Variants in MARK3 observed in about 807,000 individuals in gnomAD.
MARK3 encodes the protein microtubule affinity regulating kinase 3.
MARK3 carries 46 observed loss-of-function variants against 90.1 expected under a neutral mutation model. The ratio of observed to expected loss-of-function variants is 0.51; its 90% confidence interval spans 0.40 to 0.65. MARK3 has a LOEUF of 0.65. MARK3 is among the 30% of genes least tolerant of loss of function. MARK3 has a pLI of 0.00. For missense variants in MARK3, 818 were observed against 947.2 expected (o/e 0.86, Z 1.79); for synonymous variants, 321 against 332.6 (o/e 0.97, Z 0.38).
intron 3 of MARK3, among the ~76,000 whole-genome samples, chr14:103,447,404 G>A (rs2093023608): frequency 1.3e-5 from 2 of 152,228 alleles, no homozygotes; most frequent in African/African-American, 4.8e-5. Context: ...AGTATGGTGA[G>A]AGTCCTGTGA....
intron 1 of MARK3, among the ~76,000 whole-genome samples, chr14:103,403,875 G>T (rs951552415): frequency 1.3e-5 from 2 of 152,168 alleles, no homozygotes; most frequent in African/African-American, 4.8e-5. Flanking sequence ...GATTTGCAGT[G>T]AGGTCATAAA....
chr14:103,470,334 A>G lies in MARK3; in HGVS notation c.1264+2148A>G, dbSNP rs114941659. ...AGGCTCTACAGTTGCTCTGCCTTCA[A>G]GGCAGCCTGTGTGTCAGAGTCCTGA... On this transcript the variant is annotated intron_variant, in intron 12 of 17. Coordinates refer to ENST00000429436, the MANE Select transcript of MARK3 (RefSeq NM_001128918.3). Among the ~76,000 whole-genome samples, 785 of 152,208 alleles carry G rather than the reference A, an allele frequency of 5.2e-3. 5 individuals carry two copies. The highest frequency in any genetic ancestry group is 0.018 in the African/African-American group (755 of 41,536).
intron 1 of MARK3, among the ~76,000 whole-genome samples, chr14:103,394,575 G>T (rs191423623): frequency 4.5e-4 from 68 of 152,306 alleles, no homozygotes; most frequent in African/African-American, 1.6e-3. Flanking sequence ...TGTGGGTTAT[G>T]TGGGACCTTG....
intron 11 of MARK3, 173 bp from the exon 12 acceptor site, chr14:103,467,860 C>A: frequency 3.9e-6 from 2 of 518,880 alleles, no homozygotes; most frequent in Non-Finnish European, 6.6e-6. Context: ...TCTTTCCAGC[C>A]GTCAGAAAAC....
chr14:103,467,165 T>C lies in MARK3; in HGVS notation c.1084T>C (p.Leu362=). ...ATACGATGAAATCACAGCTACATAT[T>C]TGTTATTGGGGAGAAAATCTTCAGA... ...MKYDEITATY[L]LLGRKSSELD... Residue 362 remains leucine (L), a synonymous_variant, in exon 11 of 18, where the codon TTG becomes CTG. Coordinates refer to ENST00000429436, the MANE Select transcript of MARK3 (RefSeq NM_001128918.3). The C allele has an allele frequency of 6.3e-7, 1 of 1,595,104 alleles. No homozygotes were observed. The highest frequency in any genetic ancestry group is 8.6e-7 in the Non-Finnish European group (1 of 1,166,280).
At chr14:103,437,943 C>G (rs983581253) in intron 3 of MARK3, among the ~76,000 whole-genome samples, 1 of 152,210 alleles carries the variant, frequency 6.6e-6, no homozygotes, top group African/African-American at 2.4e-5. Flanking sequence ...AAATTCTACA[C>G]ACACTTTATC....
chr14:103,434,408 CTG>C lies in MARK3; in HGVS notation c.297+5971_297+5972del, dbSNP rs545982001. ...GCAAGTTACCCACAGAAGCTACTGA[CTG>C]TGAAATTTTAGCTACAGCATGATCC... On this transcript the variant is annotated intron_variant, in intron 3 of 17. Transcript: ENST00000429436. Among the ~76,000 whole-genome samples the C allele has an allele frequency of 2.4e-3, 367 of 152,284 alleles. 1 individual carries two copies. The highest frequency in any genetic ancestry group is 4.2e-3 in the South Asian group (20 of 4,814).
intron 3 of MARK3, among the ~76,000 whole-genome samples, chr14:103,430,564 A>G (rs2092552851): frequency 6.6e-6 from 1 of 152,200 alleles, no homozygotes; most frequent in Admixed American, 6.5e-5. Flanking sequence ...GCTAACATTC[A>G]TCATAAGGAA....
At chr14:103,437,615 CTTA>C in intron 3 of MARK3, among the ~76,000 whole-genome samples, 1 of 152,240 alleles carries the variant, frequency 6.6e-6, no homozygotes, top group Non-Finnish European at 1.5e-5. Context: ...GTACCAAGGA[CTTA>C]TTATGCTATT....
intron 13 of MARK3, among the ~76,000 whole-genome samples, chr14:103,475,929 C>T (rs528040418): frequency 6.7e-6 from 1 of 148,866 alleles, no homozygotes; most frequent in East Asian, 2.0e-4. Flanking sequence ...GGCGACAGAG[C>T]GAGACTCCTT....
intron 4 of MARK3, among the ~76,000 whole-genome samples, chr14:103,450,790 C>T (rs1330951747): frequency 6.6e-6 from 1 of 151,214 alleles, no homozygotes; most frequent in Non-Finnish European, 1.5e-5. Context: ...TTTGGGTAAA[C>T]TTAAAGTAAA....
rs755092363 is a variant in MARK3, at chr14:103,466,447, T to C, written c.997+5T>C. ...TCTCAGACCAAAAAAGAATAGGTAA[T>C]CACTCCATGCCTGCATGTTCATGTG... is the stretch of plus-strand genomic sequence containing the variant. On this transcript the variant is annotated splice_donor_5th_base_variant and intron_variant, in intron 10 of 17. Coordinates refer to ENST00000429436, the MANE Select transcript of MARK3 (RefSeq NM_001128918.3). The C allele has an allele frequency of 1.3e-5, 20 of 1,580,132 alleles. No homozygotes were observed. In the East Asian group the frequency reaches 4.5e-4, roughly 35 times the overall value.
intron 3 of MARK3, among the ~76,000 whole-genome samples, chr14:103,444,791 GA>G (rs2092953055): frequency 6.6e-6 from 1 of 151,886 alleles, no homozygotes; most frequent in Non-Finnish European, 1.5e-5. Flanking sequence ...AAAAAAAGTA[GA>G]AATAAGGTGA....
At chr14:103,395,154 G>T (rs1278299927) in intron 1 of MARK3, among the ~76,000 whole-genome samples, 1 of 152,146 alleles carries the variant, frequency 6.6e-6, no homozygotes, top group African/African-American at 2.4e-5. Flanking sequence ...ACAAAAATGA[G>T]AGTCTAAGAC....
chr14:103,476,288 G>T (rs1359752207), intron 13 of MARK3, among the ~76,000 whole-genome samples: 2 of 152,224 alleles, frequency 1.3e-5, no homozygotes, highest in Non-Finnish European at 2.9e-5. Context: ...GACTGCCAGT[G>T]CCCCAAAGAT....
intron 14 of MARK3, among the ~76,000 whole-genome samples, chr14:103,482,088 A>G (rs578104174): frequency 2.0e-5 from 3 of 151,420 alleles, no homozygotes; most frequent in Non-Finnish European, 4.4e-5. Flanking sequence ...ATAGTAGTCT[A>G]CTCTCTGGTA....
intron 6 of MARK3, chr14:103,458,742 C>G: frequency 2.8e-6 from 2 of 726,940 alleles, no homozygotes; most frequent in Non-Finnish European, 5.0e-6. Flanking sequence ...TCAAGCTGGA[C>G]AGACTATTAA....
chr14:103,486,460 TTAATG>T (rs1436688477), intron 14 of MARK3, among the ~76,000 whole-genome samples: 22 of 151,970 alleles, frequency 1.4e-4, no homozygotes, highest in Non-Finnish European at 1.2e-4. Context: ...AATAAAAAAA[TTAATG>T]TAATACAGCT....
intron 2 of MARK3, among the ~76,000 whole-genome samples, chr14:103,414,573 A>T (rs1289475128): frequency 6.6e-6 from 1 of 152,192 alleles, no homozygotes; most frequent in Non-Finnish European, 1.5e-5. Context: ...TGGGAACGTG[A>T]TGTATCTTGC....
Sources: allele counts gnomAD v4.1 joint callset (sites outside exome capture counted in the v4.1 genomes callset), GRCh38; gene constraint gnomAD v4.1.1; transcripts MANE v1.5; gene names NCBI Gene and HGNC (gene_info 2026-07-23, HGNC 2026-07-21).